Variants in CAPZB observed in about 807,000 individuals in gnomAD.
CAPZB encodes the protein F-actin-capping protein subunit beta.
Under a neutral mutation model 38.1 loss-of-function variants are expected in CAPZB, and 2 were observed. The ratio of observed to expected loss-of-function variants is 0.05; its 90% confidence interval spans 0.02 to 0.17. The LOEUF is 0.17. Ranked by LOEUF, CAPZB falls within the 10% of genes least tolerant of loss-of-function variation. CAPZB has a pLI of 1.00. For missense variants in CAPZB, 161 were observed against 334.2 expected, an observed-to-expected ratio of 0.48 and a Z score of 4.04; for synonymous variants, 107 against 127.4, an observed-to-expected ratio of 0.84 and a Z score of 1.08.
intron 2 of CAPZB, among the ~76,000 whole-genome samples, chr1:19,395,781 G>A (rs999729155): frequency 4.6e-5 from 7 of 152,206 alleles, no homozygotes; most frequent in Admixed American, 2.6e-4. Flanking sequence ...TTAAGGACTC[G>A]TCCCTGAGAG....
At chr1:19,458,761 C>T (rs1424566811) in intron 1 of CAPZB, among the ~76,000 whole-genome samples, 1 of 152,242 alleles carries the variant, frequency 6.6e-6, no homozygotes, top group Non-Finnish European at 1.5e-5. Context: ...ATGTGACACA[C>T]AAATAGAGTG....
chr1:19,447,272 CT>C lies in CAPZB; in HGVS notation c.4-27523del, dbSNP rs35692222. Among the ~76,000 whole-genome samples the C allele has an allele frequency of 9.1e-3, 680 of 74,822 alleles. 1 individual carries two copies. Among genetic ancestry groups the C allele is most frequent in the African/African-American group, 0.03 (550 of 18,602 alleles). 49.1% of individuals were successfully genotyped at this position (74,822 alleles called of 152,430 possible). A position where few individuals can be genotyped will look rare whatever the true frequency, so the allele number is the denominator to read the frequency against. ...GACATTGGGCAGCACCAGACCTAAT[CT>C]TTTTTTTTTTTTTTTTTTTTTTTGA... is the stretch of plus-strand genomic sequence containing the variant. On this transcript the variant is annotated intron_variant, in intron 1 of 8. Coordinates refer to ENST00000264202, the MANE Select transcript of CAPZB (RefSeq NM_004930.5).
intron 4 of CAPZB, among the ~76,000 whole-genome samples, chr1:19,371,068 C>T (rs2094117168): frequency 6.6e-6 from 1 of 152,230 alleles, no homozygotes; most frequent in Non-Finnish European, 1.5e-5. Flanking sequence ...CAAGGATTCT[C>T]TCTCCAGTCA....
At chr1:19,340,660 C>T (rs539787302) in intron 8 of CAPZB, among the ~76,000 whole-genome samples, 26 of 151,646 alleles carry the variant, frequency 1.7e-4, no homozygotes, top group Admixed American at 3.9e-4. Context: ...AGTGAGACCC[C>T]ATCTCTACAA....
intron 2 of CAPZB, among the ~76,000 whole-genome samples, chr1:19,413,064 G>C (rs1251574645): frequency 6.6e-6 from 1 of 152,214 alleles, no homozygotes; most frequent in Admixed American, 6.5e-5. Context: ...TTTGCAGAAA[G>C]AATAACTCAG....
intron 8 of CAPZB, chr1:19,342,840 G>C (rs1468517329): frequency 6.2e-7 from 1 of 1,609,754 alleles, no homozygotes; most frequent in Non-Finnish European, 8.5e-7. Context: ...TAAACTTTTG[G>C]TTGTCAGGGA....
At position 19,415,048 on chromosome 1, in the gene CAPZB, G is replaced by A. The variant is rs1046312778; in HGVS notation, c.93+4613C>T. ...TGGGCTGCCTTGGCCTGGCTGCCAA[G>A]CATCCCTCACATTTCTCTTCAATAC... On this transcript the variant is annotated intron_variant, in intron 2 of 8. Transcript: ENST00000264202. 2.6e-5 allele frequency among the ~76,000 whole-genome samples: 4 copies of A among 152,376 alleles called. No individual in the cohort carries two copies. In the East Asian group the frequency reaches 7.7e-4, roughly 29 times the overall value.
chr1:19,353,434 C>CGCT (rs2094002861), intron 6 of CAPZB, among the ~76,000 whole-genome samples: 2 of 112,172 alleles, frequency 1.8e-5, no homozygotes, highest in Non-Finnish European at 3.9e-5. Context: ...CCCCTGACCA[C>CGCT]GCCACGCCAG....
chr1:19,443,755 C>T (rs1157205258), intron 1 of CAPZB, among the ~76,000 whole-genome samples: 5 of 152,182 alleles, frequency 3.3e-5, no homozygotes, highest in East Asian at 1.9e-4. Flanking sequence ...TGGGCAAGGC[C>T]GCCTGGCAGA....
chr1:19,444,039 T>G (rs527671765), intron 1 of CAPZB, among the ~76,000 whole-genome samples: 2 of 152,218 alleles, frequency 1.3e-5, no homozygotes, highest in Admixed American at 1.3e-4. Context: ...ACGCCTGTAA[T>G]CCCAGCTACT....
chr1:19,399,482 G>A (rs2094291443), intron 2 of CAPZB, among the ~76,000 whole-genome samples: 1 of 152,202 alleles, frequency 6.6e-6, no homozygotes, highest in Admixed American at 6.5e-5. Context: ...ACTACCCAGA[G>A]CTTTTCCTAC....
chr1:19,342,607 A>C, intron 8 of CAPZB: 5 of 641,294 alleles, frequency 7.8e-6, no homozygotes, highest in East Asian at 2.8e-5. Context: ...CTACACGGGA[A>C]TGTGGCTGTG....
intron 1 of CAPZB, among the ~76,000 whole-genome samples, chr1:19,452,417 G>A (rs918892874): frequency 1.3e-5 from 2 of 152,170 alleles, no homozygotes; most frequent in Admixed American, 6.5e-5. Context: ...CACAGTGGTC[G>A]GCTCATAGCC....
intron 2 of CAPZB, among the ~76,000 whole-genome samples, chr1:19,404,871 G>T (rs941233969): frequency 6.6e-6 from 1 of 152,068 alleles, no homozygotes; most frequent in Non-Finnish European, 1.5e-5. Context: ...ATTCACAATT[G>T]TCCTCTTTTA....
chr1:19,358,047 G>A (rs780496092), intron 4 of CAPZB, among the ~76,000 whole-genome samples: 9 of 152,166 alleles, frequency 5.9e-5, no homozygotes, highest in African/African-American at 9.7e-5. Context: ...TTGGTCTTTC[G>A]GAGCAACCTC....
In CAPZB at chr1:19,339,522, A is replaced by G. The variant is rs1032296388; in HGVS notation, c.*8T>C. 8 of 1,603,288 alleles carry G rather than the reference A, an allele frequency of 5.0e-6. No individual in the cohort carries two copies. In the South Asian group the frequency reaches 8.8e-5, roughly 18 times the overall value. On this transcript the variant is annotated 3_prime_UTR_variant, in exon 9 of 9. Transcript: ENST00000264202. ...GCACGGCGTGTCTGGTTAGCATGAAACAGAGGTTTAGCATTGCTGCTTTCT... is the reference window on the plus strand; with the variant it reads ...GCACGGCGTGTCTGGTTAGCATGAAGCAGAGGTTTAGCATTGCTGCTTTCT...
At chr1:19,340,743 C>A (rs2093923499) in intron 8 of CAPZB, among the ~76,000 whole-genome samples, 1 of 152,174 alleles carries the variant, frequency 6.6e-6, no homozygotes, top group Non-Finnish European at 1.5e-5. Context: ...GATGAGGAAA[C>A]TGAGGCTCAG....
chr1:19,381,719 G>A (rs1193925197), intron 3 of CAPZB, among the ~76,000 whole-genome samples: 2 of 120,062 alleles, frequency 1.7e-5, no homozygotes, highest in Admixed American at 1.1e-4. Flanking sequence ...TTGAGACAGA[G>A]TCTCACTCTG....
At chr1:19,462,585 G>C (rs989082931) in intron 1 of CAPZB, among the ~76,000 whole-genome samples, 3 of 152,234 alleles carry the variant, frequency 2.0e-5, no homozygotes. Context: ...ATTTACTGCA[G>C]TGTTTAAAAA....
Sources: allele counts gnomAD v4.1 joint callset (sites outside exome capture counted in the v4.1 genomes callset), GRCh38; gene constraint gnomAD v4.1.1; transcripts MANE v1.5; gene names NCBI Gene and HGNC (gene_info 2026-07-23, HGNC 2026-07-21).